The following SLTM variants were observed in gnomAD, a reference collection of about 807,000 sequenced individuals.
SLTM encodes SAFB-like transcription modulator.
In SLTM, 43 loss-of-function variants were observed where a neutral mutation model predicts 134.6. The observed-to-expected ratio is 0.32, with a 90% CI of 0.25 to 0.41. SLTM has a LOEUF of 0.41. Among genes scored for constraint, SLTM ranks in the 10% least tolerant of loss-of-function variants. SLTM has a pLI of 1.00. For missense variants in SLTM, 1,055 were observed against 1,288.8 expected (o/e 0.82, Z 2.78); for synonymous variants, 424 against 432.3 (o/e 0.98, Z 0.24).
chr15:58,904,170 A>AT (rs1197636095), intron 5 of SLTM, among the ~76,000 whole-genome samples: 1 of 151,848 alleles, frequency 6.6e-6, no homozygotes, highest in Admixed American at 6.6e-5. Flanking sequence ...CACCTGGCTA[A>AT]TTTTTTTGAT....
At position 58,887,072 on chromosome 15, in the gene SLTM, A is replaced by G. The variant is rs374660181; in HGVS notation, c.2738T>C (p.Val913Ala). The G allele has an allele frequency of 6.2e-7, 1 of 1,614,004 alleles. No individual in the cohort carries two copies. The highest frequency in any genetic ancestry group is 8.5e-7 in the Non-Finnish European group (1 of 1,180,020). The change falls in exon 19 of 21, where the codon GTG (valine) becomes GCG (alanine). Residue 913 changes from valine to alanine, a missense_variant. This residue lies in a region of SLTM where 776 missense variants were observed against 962.2 expected (regional missense o/e 0.81). Coordinates refer to ENST00000380516, the MANE Select transcript of SLTM (RefSeq NM_024755.4). ...ACGATTCCCAGGGGGAGCGCCTCTC[A>G]CACTGTGCCCTGATACTTCTCTCCC... Reference protein sequence around the residue: ...RSGREVSGHSVRGAPPGNRSS... With the variant: ...RSGREVSGHSARGAPPGNRSS...
At chr15:58,917,966 C>T (rs557257919) in intron 2 of SLTM, among the ~76,000 whole-genome samples, 2 of 151,908 alleles carry the variant, frequency 1.3e-5, no homozygotes, top group African/African-American at 4.8e-5. Flanking sequence ...GTTGGCCAGG[C>T]TGGTTTCGAA....
At chr15:58,906,519 A>G (rs1406046361) in intron 5 of SLTM, among the ~76,000 whole-genome samples, 1 of 152,220 alleles carries the variant, frequency 6.6e-6, no homozygotes, top group African/African-American at 2.4e-5. Context: ...TTTTTCAGTG[A>G]ACCAAGTATT....
chr15:58,885,691 G>A (rs1322076857), intron 19 of SLTM, among the ~76,000 whole-genome samples: 1 of 152,140 alleles, frequency 6.6e-6, no homozygotes, highest in Non-Finnish European at 1.5e-5. Context: ...GGCTGAGGAA[G>A]GAAAATCGCT....
intron 2 of SLTM, among the ~76,000 whole-genome samples, chr15:58,931,203 C>G (rs1255009164): frequency 6.6e-6 from 1 of 152,158 alleles, no homozygotes; most frequent in African/African-American, 2.4e-5. Flanking sequence ...TCAGAGTTAT[C>G]TTAAAAGCTA....
At chr15:58,898,706 A>T in intron 8 of SLTM, 97 bp downstream of exon 8, 2 of 851,662 alleles carry the variant, frequency 2.3e-6, no homozygotes, top group Non-Finnish European at 3.8e-6. Flanking sequence ...TAAAATTTTT[A>T]AGGACTAAAT....
chr15:58,925,992 T>C (rs536389206), intron 2 of SLTM, among the ~76,000 whole-genome samples: 1 of 152,288 alleles, frequency 6.6e-6, no homozygotes, highest in African/African-American at 2.4e-5. Context: ...TGAATAAAAA[T>C]GATGCTAAAT....
chr15:58,900,331 C>T (rs1242040540), intron 6 of SLTM: 4 of 178,764 alleles, frequency 2.2e-5, no homozygotes, highest in African/African-American at 9.6e-5. Context: ...CTTCAGAACT[C>T]CCATGGTGAC....
At chr15:58,883,601 G>A (rs1198295573) in intron 20 of SLTM, 25 bp downstream of exon 20, 1 of 1,612,530 alleles carries the variant, frequency 6.2e-7, no homozygotes, top group East Asian at 2.2e-5. Context: ...TTGTGTGCTG[G>A]CAGAAAAACT....
intron 20 of SLTM, among the ~76,000 whole-genome samples, chr15:58,880,536 G>A (rs2033610386): frequency 6.6e-6 from 1 of 152,008 alleles, no homozygotes; most frequent in Non-Finnish European, 1.5e-5. Flanking sequence ...CCAGCAACCT[G>A]TGCTTTTCTT....
At chr15:58,900,156 C>A (rs537845284) in intron 6 of SLTM, among the ~76,000 whole-genome samples, 1 of 152,012 alleles carries the variant, frequency 6.6e-6, no homozygotes, top group Admixed American at 6.5e-5. Context: ...CATACAAACA[C>A]CAAACAACAA....
chr15:58,888,465 C>G lies in SLTM; in HGVS notation c.2295G>C (p.Gln765His). ...GGTGATCAAAGTCATTAAATCTGTTCTGTTGGCGAGAGTAGTCGGATCCAT... is the reference window on the plus strand; with the variant it reads ...GGTGATCAAAGTCATTAAATCTGTTGTGTTGGCGAGAGTAGTCGGATCCAT... Reference protein sequence around the residue: ...FGHGSDYSRQQNRFNDFDHRE... With the variant: ...FGHGSDYSRQHNRFNDFDHRE... Residue 765 changes from glutamine to histidine, a missense_variant, in exon 17 of 21, where the codon CAG becomes CAC. Transcript: ENST00000380516. 6.2e-7 allele frequency: 1 copy of G among 1,614,094 alleles called. No homozygotes were observed. Among genetic ancestry groups the G allele is most frequent in the Non-Finnish European group, 8.5e-7 (1 of 1,179,998 alleles).
At chr15:58,895,582 T>C (rs1170312015) in intron 9 of SLTM, among the ~76,000 whole-genome samples, 2 of 152,146 alleles carry the variant, frequency 1.3e-5, no homozygotes, top group Non-Finnish European at 2.9e-5. Flanking sequence ...CAAATCAACT[T>C]TTACCTCAAC....
At chr15:58,895,342 C>A (rs1318563361) in intron 9 of SLTM, among the ~76,000 whole-genome samples, 1 of 151,942 alleles carries the variant, frequency 6.6e-6, no homozygotes, top group Non-Finnish European at 1.5e-5. Flanking sequence ...CGAAAAACAC[C>A]CTAAAGCTTG....
rs1477270128 is a variant in SLTM, at chr15:58,888,482, C to T, written c.2278G>A (p.Asp760Asn). 3.1e-6 allele frequency: 5 copies of T among 1,613,762 alleles called. No homozygotes were observed. In the South Asian group the frequency reaches 4.4e-5, roughly 14 times the overall value. The change falls in exon 17 of 21, where the codon GAC (aspartate) becomes AAC (asparagine). Residue 760 changes from aspartate to asparagine, a missense_variant. Transcript: ENST00000380516. ...DTDARFGHGS[D>N]YSRQQNRFND... ...AATCTGTTCTGTTGGCGAGAGTAGT[C>T]GGATCCATGGCCAAATCGTGCATCT...
At chr15:58,891,489 T>G (rs568217023) in intron 14 of SLTM, among the ~76,000 whole-genome samples, 7 of 152,304 alleles carry the variant, frequency 4.6e-5, no homozygotes, top group Non-Finnish European at 7.4e-5. Flanking sequence ...TCCATATAAA[T>G]AGAAGGAAAA....
At position 58,890,420 on chromosome 15, in the gene SLTM, C is replaced by A; in HGVS notation, c.1940G>T (p.Arg647Leu). 1 of 1,613,928 alleles carries A rather than the reference C, an allele frequency of 6.2e-7. No homozygotes were observed. The highest frequency in any genetic ancestry group is 8.5e-7 in the Non-Finnish European group (1 of 1,179,976). ...IAERERRERE[R>L]IRIIREREER... ...TTCCCGTTCACGAATTATTCTAATG[C>A]GTTCTCGCTCTCGACGCTCTCTCTC... Residue 647 changes from arginine to leucine, a missense_variant, in exon 15 of 21, where the codon CGC (arginine) becomes CTC (leucine). Around this residue, in one of 3 missense-constraint regions of SLTM, gnomAD observed 776 missense variants for 962.2 expected, o/e 0.81. Transcript: ENST00000380516.
At chr15:58,933,132 G>T (rs2038001744) in intron 1 of SLTM, among the ~76,000 whole-genome samples, 1 of 151,936 alleles carries the variant, frequency 6.6e-6, no homozygotes, top group Non-Finnish European at 1.5e-5. Context: ...CGCAACCCTC[G>T]CAGCCTGGCG....
intron 14 of SLTM, among the ~76,000 whole-genome samples, chr15:58,891,719 C>T (rs1192865248): frequency 6.6e-6 from 1 of 152,164 alleles, no homozygotes; most frequent in East Asian, 1.9e-4. Context: ...ATCTGGAATA[C>T]ATATTTTTAT....
Sources: allele counts gnomAD v4.1 joint callset (sites outside exome capture counted in the v4.1 genomes callset), GRCh38; gene constraint gnomAD v4.1.1; regional missense constraint gnomAD v4.1.1; transcripts MANE v1.5; gene names NCBI Gene and HGNC (gene_info 2026-07-23, HGNC 2026-07-21).